Variants in AOPEP observed in about 807,000 individuals in gnomAD.
AOPEP encodes aminopeptidase O.
A neutral mutation model predicts 98.1 loss-of-function variants in AOPEP; 77 were observed. The observed-to-expected ratio is 0.78, with a 90% CI of 0.65 to 0.95. The LOEUF is 0.95. Ranked by LOEUF, AOPEP falls within the 40% of genes least tolerant of loss-of-function variation. The pLI, the probability that AOPEP is intolerant of heterozygous loss-of-function variation, is 0.00. For synonymous variants in AOPEP, 346 were observed against 365.3 expected, an observed-to-expected ratio of 0.95 and a Z score of 0.60; for missense variants, 1,024 against 1,024.7, an observed-to-expected ratio of 1.00 and a Z score of 0.01.
chr9:95,001,269 A>G (rs1429598272), intron 11 of AOPEP, among the ~76,000 whole-genome samples: 1 of 152,262 alleles, frequency 6.6e-6, no homozygotes, highest in Non-Finnish European at 1.5e-5. Flanking sequence ...ATAATTTTAA[A>G]GCAATGGTAT....
chr9:94,897,002 G>T (rs2049676208), intron 5 of AOPEP, among the ~76,000 whole-genome samples: 1 of 145,306 alleles, frequency 6.9e-6, no homozygotes, highest in Admixed American at 7.0e-5. Context: ...ACCAAAATTT[G>T]AATGTGAAAC....
intron 7 of AOPEP, 66 bp downstream of exon 7, chr9:94,928,597 G>A (rs1008288267): frequency 9.1e-6 from 10 of 1,102,436 alleles, no homozygotes; most frequent in Non-Finnish European, 1.3e-5. Context: ...ACACCTCCCT[G>A]CCAACTGATG....
rs549666365 is a variant in AOPEP at position 94,892,685 on chromosome 9, C to T, written c.1365-31301C>T. 3.3e-5 allele frequency among the ~76,000 whole-genome samples: 5 copies of T among 152,294 alleles called. No individual in the cohort carries two copies. In the South Asian group the frequency reaches 1.0e-3, roughly 32 times the overall value. On this transcript the variant is annotated intron_variant, in intron 5 of 16. Transcript: ENST00000375315. ...TATTGTCCTGTTGTCATTTGGCTAA[C>T]TAGAATGTTTTATGCTGTTTTCTTT...
chr9:94,810,595 G>A (rs1850336741), intron 5 of AOPEP, among the ~76,000 whole-genome samples: 1 of 152,024 alleles, frequency 6.6e-6, no homozygotes, highest in African/African-American at 2.4e-5. Flanking sequence ...GATTACAGGC[G>A]TCAGCCACTG....
chr9:94,782,398 A>G (rs562487694), intron 3 of AOPEP, among the ~76,000 whole-genome samples: 1 of 152,300 alleles, frequency 6.6e-6, no homozygotes, highest in Admixed American at 6.5e-5. Flanking sequence ...GACTGTAGAC[A>G]TTACTTCATT....
intron 5 of AOPEP, among the ~76,000 whole-genome samples, chr9:94,908,971 A>C (rs1054720933): frequency 6.6e-6 from 1 of 152,222 alleles, no homozygotes; most frequent in Non-Finnish European, 1.5e-5. Flanking sequence ...GATTAGTCTT[A>C]AAATGTGTCA....
chr9:94,947,038 G>A (rs1196153311), intron 7 of AOPEP, among the ~76,000 whole-genome samples: 2 of 150,304 alleles, frequency 1.3e-5, no homozygotes, highest in Admixed American at 1.3e-4. Context: ...GTGCAGTGGC[G>A]CGATCTCGGC....
In AOPEP at chr9:94,967,636, A is replaced by G. The variant is rs531015842; in HGVS notation, c.1873-122A>G. 148 of 734,378 alleles carry G rather than the reference A, an allele frequency of 2.0e-4. 2 individuals are homozygous for G. The South Asian group carries it at 2.2e-3, about 11-fold the overall frequency. 45.5% of individuals were successfully genotyped at this position (734,378 alleles called of 1,614,324 possible). On this transcript the variant is annotated intron_variant, in intron 9 of 16. Transcript: ENST00000375315. Reference sequence around the variant, plus strand: ...TGAGTCTATAGTCTTTTAAGTCAGCATAGGTCTAGCTTCTCAAGCAGGTGA... The same window carrying G: ...TGAGTCTATAGTCTTTTAAGTCAGCGTAGGTCTAGCTTCTCAAGCAGGTGA...
rs200248990 is a variant in AOPEP at position 94,960,716 on chromosome 9, G to GT, written c.1872+4702dup. 5.3e-3 allele frequency among the ~76,000 whole-genome samples: 798 copies of GT among 151,914 alleles called. 3 individuals carry two copies. The highest frequency in any genetic ancestry group is 0.017 in the African/African-American group (690 of 41,428). On this transcript the variant is annotated intron_variant, in intron 9 of 16. Transcript: ENST00000375315. ...GGCTCTATTTCTGAGTTCTTACTGC[G>GT]TAAGAATGCTTGTGGGCCGGGTGCG...
chr9:94,882,011 C>T (rs1451415856), intron 5 of AOPEP, among the ~76,000 whole-genome samples: 1 of 152,158 alleles, frequency 6.6e-6, no homozygotes, highest in African/African-American at 2.4e-5. Context: ...ATTGTAAGCT[C>T]TTATGAGTAA....
At chr9:95,090,480 C>T (rs2070851986), downstream of AOPEP, among the ~76,000 whole-genome samples, 1 of 152,154 alleles carries the variant, frequency 6.6e-6, no homozygotes, top group Admixed American at 6.5e-5. Flanking sequence ...TGGGCCCGGG[C>T]CCAGGGCCTG....
chr9:95,118,358 T>C, the AOPEP span, among the ~76,000 whole-genome samples: 1 of 152,240 alleles, frequency 6.6e-6, no homozygotes, highest in Non-Finnish European at 1.5e-5. Context: ...TGTAAAACTG[T>C]GCTCGCATTT....
intron 3 of AOPEP, among the ~76,000 whole-genome samples, chr9:94,789,468 T>A (rs766504604): frequency 2.0e-5 from 3 of 152,210 alleles, no homozygotes; most frequent in Non-Finnish European, 4.4e-5. Context: ...ATTTTTTTTT[T>A]AAACCAGAGG....
chr9:94,995,952 G>A (rs2061194518), intron 11 of AOPEP, among the ~76,000 whole-genome samples: 1 of 152,156 alleles, frequency 6.6e-6, no homozygotes, highest in Non-Finnish European at 1.5e-5. Context: ...AGAACAATGA[G>A]AGTTTGCTGC....
intron 13 of AOPEP, among the ~76,000 whole-genome samples, chr9:95,046,159 A>G (rs2065850149): frequency 6.6e-6 from 1 of 152,260 alleles, no homozygotes; most frequent in Non-Finnish European, 1.5e-5. Flanking sequence ...GAATCATTTG[A>G]TAAGTTAAAT....
intron 3 of AOPEP, among the ~76,000 whole-genome samples, chr9:94,777,875 C>T (rs1332495715): frequency 2.6e-5 from 4 of 151,858 alleles, no homozygotes; most frequent in Middle Eastern, 3.2e-3. Flanking sequence ...CCACCTGCCT[C>T]GGCCTCCCAA....
intron 11 of AOPEP, among the ~76,000 whole-genome samples, chr9:94,988,187 T>C (rs775282040): frequency 1.3e-5 from 2 of 152,160 alleles, no homozygotes; most frequent in African/African-American, 2.4e-5. Context: ...AGAGAGGACA[T>C]GCAGTGGGCT....
At chr9:95,048,602 C>T (rs2066056551) in intron 13 of AOPEP, among the ~76,000 whole-genome samples, 1 of 152,130 alleles carries the variant, frequency 6.6e-6, no homozygotes, top group African/African-American at 2.4e-5. Flanking sequence ...GGCTCTCCGC[C>T]CACGCCTGCC....
At chr9:94,770,943 G>T (rs1369445254) in intron 2 of AOPEP, among the ~76,000 whole-genome samples, 1 of 152,190 alleles carries the variant, frequency 6.6e-6, no homozygotes, top group Non-Finnish European at 1.5e-5. Flanking sequence ...CTACTTCACA[G>T]AAGTCTTCCT....
Sources: gnomAD v4.1 joint callset for allele counts (sites outside exome capture counted in the v4.1 genomes callset) on GRCh38, gnomAD v4.1.1 for gene constraint, MANE v1.5 for transcripts, NCBI Gene and HGNC (gene_info 2026-07-23, HGNC 2026-07-21) for gene names.